The following NAALADL2 variants were observed in gnomAD, a reference collection of about 807,000 sequenced individuals.
NAALADL2 encodes the protein inactive N-acetylated-alpha-linked acidic dipeptidase-like protein 2.
NAALADL2 carries 76 observed loss-of-function variants against 87.2 expected under a neutral mutation model. That is an observed-to-expected ratio of 0.87 (90% CI 0.72 to 1.05). The LOEUF (loss-of-function observed/expected upper bound fraction) is 1.05, where lower values mean the gene tolerates loss of function less well. Ranked by LOEUF, NAALADL2 falls within the 50% of genes least tolerant of loss-of-function variation. NAALADL2 has a pLI of 0.00. For synonymous variants in NAALADL2, 354 were observed against 331.0 expected (o/e 1.07, Z -0.75); for missense variants, 1,089 against 945.8 (o/e 1.15, Z -1.99).
At chr3:174,821,385 A>T (rs190054859) in intron 3 of NAALADL2, among the ~76,000 whole-genome samples, 1 of 152,338 alleles carries the variant, frequency 6.6e-6, no homozygotes, top group African/African-American at 2.4e-5. Context: ...CATATAGTAG[A>T]TGATCTGGTA....
chr3:175,428,051 CAT>C (rs571123075), intron 5 of NAALADL2, among the ~76,000 whole-genome samples: 75 of 152,200 alleles, frequency 4.9e-4, no homozygotes, highest in African/African-American at 1.8e-3. Context: ...TAATCTAAAT[CAT>C]AAAGATCACT....
At chr3:175,791,493 G>A (rs761490798) in intron 13 of NAALADL2, among the ~76,000 whole-genome samples, 2 of 152,050 alleles carry the variant, frequency 1.3e-5, no homozygotes, top group Non-Finnish European at 2.9e-5. Flanking sequence ...CAAGACATTG[G>A]GACAGTTCAA....
At chr3:175,641,871 G>C (rs1261254542) in intron 11 of NAALADL2, among the ~76,000 whole-genome samples, 1 of 152,124 alleles carries the variant, frequency 6.6e-6, no homozygotes, top group Non-Finnish European at 1.5e-5. Context: ...TGTTTTTCAT[G>C]ATTCAAATGC....
rs1169827021 is a variant in NAALADL2, at chr3:174,712,380, C to CTTTTTTT, written c.-114-25242_-114-25236dup. ...TATTAACAGTCTCACTTCTCCTCTT[C>CTTTTTTT]TTTTTTTTTTTTTTTTTTTTTTTTT... On this transcript the variant is annotated intron_variant, in intron 2 of 3. Coordinates refer to the NAALADL2 transcript ENST00000434257. Among the ~76,000 whole-genome samples the CTTTTTTT allele has an allele frequency of 1.6e-3, 110 of 70,450 alleles. 4 individuals are homozygous for CTTTTTTT. Among genetic ancestry groups the CTTTTTTT allele is most frequent in the African/African-American group, 1.7e-3 (29 of 16,916 alleles). 46.2% of individuals were successfully genotyped at this position (70,450 alleles called of 152,430 possible).
intron 1 of NAALADL2, among the ~76,000 whole-genome samples, chr3:175,016,374 AC>A (rs1361501460): frequency 6.6e-6 from 1 of 151,020 alleles, no homozygotes; most frequent in Non-Finnish European, 1.5e-5. Flanking sequence ...ATATCTATTG[AC>A]AAGGAAAGAT....
chr3:175,127,743 G>A (rs1727189153), intron 2 of NAALADL2, among the ~76,000 whole-genome samples: 2 of 151,968 alleles, frequency 1.3e-5, no homozygotes, highest in Admixed American at 1.3e-4. Flanking sequence ...TAATAGCTGG[G>A]CATGGGGGTG....
At chr3:175,485,325 C>T (rs1052505241) in intron 9 of NAALADL2, among the ~76,000 whole-genome samples, 1 of 152,012 alleles carries the variant, frequency 6.6e-6, no homozygotes, top group African/African-American at 2.4e-5. Flanking sequence ...GTAGGATTCT[C>T]CACAGCGACA....
intron 2 of NAALADL2, among the ~76,000 whole-genome samples, chr3:175,159,229 G>T (rs1394915169): frequency 6.6e-6 from 1 of 152,130 alleles, no homozygotes; most frequent in African/African-American, 2.4e-5. Flanking sequence ...AATCATATCT[G>T]CAAGATTCTC....
intron 9 of NAALADL2, among the ~76,000 whole-genome samples, chr3:175,546,522 A>G (rs1488725514): frequency 6.6e-6 from 1 of 152,004 alleles, no homozygotes; most frequent in Non-Finnish European, 1.5e-5. Flanking sequence ...GTTTATGGTA[A>G]CGGTATTTAC....
At chr3:174,936,232 G>C (rs187655273) in intron 1 of NAALADL2, among the ~76,000 whole-genome samples, 1 of 152,166 alleles carries the variant, frequency 6.6e-6, no homozygotes, top group African/African-American at 2.4e-5. Flanking sequence ...GGAGATAGTA[G>C]TTTGGAAATG....
At chr3:174,925,405 G>A (rs1735863417) in intron 1 of NAALADL2, among the ~76,000 whole-genome samples, 2 of 152,026 alleles carry the variant, frequency 1.3e-5, no homozygotes, top group South Asian at 2.1e-4. Context: ...ATTTCTGAGG[G>A]CTCTGTTCTG....
intron 10 of NAALADL2, among the ~76,000 whole-genome samples, chr3:175,584,502 T>G (rs1487959327): frequency 6.6e-6 from 1 of 152,234 alleles, no homozygotes; most frequent in African/African-American, 2.4e-5. Flanking sequence ...TCTCAAGGTT[T>G]TCTAGACAAA....
chr3:175,511,653 C>T (rs75875447), intron 9 of NAALADL2, among the ~76,000 whole-genome samples: 1 of 152,324 alleles, frequency 6.6e-6, no homozygotes, highest in Non-Finnish European at 1.5e-5. Context: ...GAGACTCTCA[C>T]TCATTGTTAT....
chr3:174,672,026 G>T (rs1421534073), intron 2 of NAALADL2, among the ~76,000 whole-genome samples: 1 of 151,904 alleles, frequency 6.6e-6, no homozygotes, highest in Non-Finnish European at 1.5e-5. Context: ...TCTGAGTAAT[G>T]TAATGTGTGG....
At chr3:174,558,891 G>A (rs948794348) in intron 2 of NAALADL2, among the ~76,000 whole-genome samples, 1 of 152,144 alleles carries the variant, frequency 6.6e-6, no homozygotes, top group African/African-American at 2.4e-5. Context: ...AGAAGCAGCT[G>A]CTTCCCCTCC....
chr3:175,412,000 C>G (rs562022303), intron 5 of NAALADL2, among the ~76,000 whole-genome samples: 1 of 152,134 alleles, frequency 6.6e-6, no homozygotes, highest in South Asian at 2.1e-4. Context: ...TTCTGTAAAC[C>G]CTGATCGAAG....
intron 2 of NAALADL2, among the ~76,000 whole-genome samples, chr3:175,173,805 T>A (rs1467584570): frequency 6.6e-6 from 1 of 152,226 alleles, no homozygotes; most frequent in Non-Finnish European, 1.5e-5. Flanking sequence ...CTCAGCATAG[T>A]TTGTTGCATT....
At chr3:174,968,728 C>T (rs575348367) in intron 1 of NAALADL2, among the ~76,000 whole-genome samples, 35 of 152,268 alleles carry the variant, frequency 2.3e-4, no homozygotes, top group Non-Finnish European at 4.4e-4. Flanking sequence ...TCCGCCGCCT[C>T]GGCCTCCCAA....
chr3:174,608,608 A>ACCAGGAAGAAGTTGAATC (rs1467776228), intron 2 of NAALADL2, among the ~76,000 whole-genome samples: 1 of 152,128 alleles, frequency 6.6e-6, no homozygotes, highest in Admixed American at 6.6e-5. Context: ...CCAAGACTAA[A>ACCAGGAAGAAGTTGAATC]CCAGGAAGAA....
Sources: gnomAD v4.1 joint callset for allele counts (sites outside exome capture counted in the v4.1 genomes callset) on GRCh38, gnomAD v4.1.1 for gene constraint, MANE v1.5 for transcripts, NCBI Gene and HGNC (gene_info 2026-07-23, HGNC 2026-07-21) for gene names.